Variants in IL23R observed in about 807,000 individuals in gnomAD.
IL23R encodes interleukin-23 receptor.
A neutral mutation model predicts 56.9 loss-of-function variants in IL23R; 34 were observed. The observed-to-expected ratio is 0.60, with a 90% CI of 0.45 to 0.80. The LOEUF (loss-of-function observed/expected upper bound fraction) is 0.80. Among genes scored for constraint, IL23R ranks in the 30% least tolerant of loss-of-function variants. The pLI is 0.00. For synonymous variants in IL23R, 230 were observed against 249.2 expected, an observed-to-expected ratio of 0.92 and a Z score of 0.73; for missense variants, 635 against 730.0, an observed-to-expected ratio of 0.87 and a Z score of 1.50.
intron 1 of IL23R, among the ~76,000 whole-genome samples, chr1:67,167,263 G>A (rs1342857025): frequency 6.6e-6 from 1 of 152,116 alleles, no homozygotes; most frequent in African/African-American, 2.4e-5. Context: ...TAGGGACAGG[G>A]TTTCACCCTG....
intron 1 of IL23R, among the ~76,000 whole-genome samples, chr1:67,150,994 G>T (rs141213218): frequency 1.6e-3 from 245 of 152,238 alleles, no homozygotes; most frequent in African/African-American, 5.8e-3. Context: ...TGGGTCAAAT[G>T]GTATTTCTGG....
Position 67,228,104 on chromosome 1 carries a change from TTCTCTC to T in IL23R, c.955+8378_955+8383del, listed in dbSNP as rs751365071. Among the ~76,000 whole-genome samples the T allele has an allele frequency of 9.7e-4, 45 of 46,238 alleles. 4 individuals carry two copies. Among genetic ancestry groups the T allele is most frequent in the Admixed American group, 1.9e-3 (7 of 3,666 alleles). 30.3% of individuals were successfully genotyped at this position (46,238 alleles called of 152,430 possible). ...TTCTTTTCTTTCTTTCTTTCTTTCT[TTCTCTC>T]TCTTTCTTTCTTTCTTTCCTTCTTT... On this transcript the variant is annotated intron_variant, in intron 7 of 10. Transcript: ENST00000347310.
At chr1:67,162,782 G>A (rs1364480675), upstream of IL23R, among the ~76,000 whole-genome samples, 1 of 152,218 alleles carries the variant, frequency 6.6e-6, no homozygotes, top group Non-Finnish European at 1.5e-5. Context: ...CCAAGGCAAT[G>A]CACTACATGA....
intron 1 of IL23R, among the ~76,000 whole-genome samples, chr1:67,149,935 T>C (rs1646713560): frequency 6.6e-6 from 1 of 152,214 alleles, no homozygotes; most frequent in African/African-American, 2.4e-5. Context: ...CTGGTAACCC[T>C]CTTAAGGAGA....
intron 7 of IL23R, 125 bp downstream of exon 7, chr1:67,219,855 T>A: frequency 1.1e-6 from 1 of 919,674 alleles, no homozygotes; most frequent in Non-Finnish European, 1.8e-6. Flanking sequence ...TGCTTGAGCC[T>A]AGGAGTTTGA....
chr1:67,214,186 AAAAG>A (rs1649679958), intron 6 of IL23R, among the ~76,000 whole-genome samples: 1 of 152,212 alleles, frequency 6.6e-6, no homozygotes, highest in African/African-American at 2.4e-5. Flanking sequence ...CATCTCTATA[AAAAG>A]AAAGAAAATA....
At chr1:67,149,092 CCACT>C (rs1330526270) in intron 1 of IL23R, among the ~76,000 whole-genome samples, 1 of 152,134 alleles carries the variant, frequency 6.6e-6, no homozygotes, top group Non-Finnish European at 1.5e-5. Context: ...CCACCCCAGC[CCACT>C]CACTCCCAAT....
upstream of IL23R, among the ~76,000 whole-genome samples, chr1:67,164,709 C>G (rs966073660): frequency 6.6e-6 from 1 of 151,642 alleles, no homozygotes. Flanking sequence ...TTTCCATAGC[C>G]TCCTAACTGG....
upstream of IL23R, among the ~76,000 whole-genome samples, chr1:67,162,443 C>T (rs1041491776): frequency 6.6e-6 from 1 of 151,908 alleles, no homozygotes; most frequent in Non-Finnish European, 1.5e-5. Flanking sequence ...GCCGAGATCG[C>T]GCCACTGCAC....
chr1:67,221,269 C>T (rs1056377221), intron 7 of IL23R, among the ~76,000 whole-genome samples: 33 of 152,080 alleles, frequency 2.2e-4, no homozygotes, highest in Admixed American at 1.8e-3. Context: ...TGGAGTGAGC[C>T]GAGATCGCGC....
At chr1:67,200,659 A>G in intron 4 of IL23R, 78 bp from the exon 5 acceptor site, 1 of 1,441,058 alleles carries the variant, frequency 6.9e-7, no homozygotes. Flanking sequence ...TGCTAGGATT[A>G]CAGGTGTGAG....
intron 3 of IL23R, among the ~76,000 whole-genome samples, chr1:67,173,300 T>A (rs1646967113): frequency 6.6e-6 from 1 of 152,216 alleles, no homozygotes; most frequent in Admixed American, 6.6e-5. Context: ...TATAGTCATC[T>A]TTTTGATCTT....
At chr1:67,226,138 C>G (rs750473066) in intron 7 of IL23R, among the ~76,000 whole-genome samples, 5 of 152,166 alleles carry the variant, frequency 3.3e-5, no homozygotes, top group Admixed American at 1.3e-4. Context: ...GGGGTGAGCA[C>G]CTTGGGGCTC....
At chr1:67,228,689 G>A (rs563530637) in intron 7 of IL23R, among the ~76,000 whole-genome samples, 23 of 152,208 alleles carry the variant, frequency 1.5e-4, no homozygotes, top group Middle Eastern at 3.4e-3. Flanking sequence ...CCTTCTGGAG[G>A]CTACAGGACA....
intron 1 of IL23R, among the ~76,000 whole-genome samples, chr1:67,149,580 T>A (rs188765423): frequency 5.2e-4 from 79 of 152,298 alleles, no homozygotes; most frequent in Non-Finnish European, 4.3e-4. Flanking sequence ...AGACACTCAA[T>A]AAATACTTGT....
chr1:67,215,534 G>T (rs535679381), intron 6 of IL23R, among the ~76,000 whole-genome samples: 1 of 152,328 alleles, frequency 6.6e-6, no homozygotes, highest in Admixed American at 6.5e-5. Flanking sequence ...ACCAATGTCT[G>T]TTGGCTCAAA....
chr1:67,249,281 A>T (rs910355860), intron 9 of IL23R, among the ~76,000 whole-genome samples: 9 of 152,232 alleles, frequency 5.9e-5, no homozygotes, highest in Admixed American at 3.9e-4. Flanking sequence ...TCTAAATGAT[A>T]CGAATTTAAA....
chr1:67,151,653 T>G (rs1009124058), intron 1 of IL23R, among the ~76,000 whole-genome samples: 3 of 152,194 alleles, frequency 2.0e-5, no homozygotes, highest in Non-Finnish European at 4.4e-5. Flanking sequence ...GGGTCCAGTT[T>G]CAATTTTCTG....
chr1:67,180,970 A>G (rs1647132372), intron 3 of IL23R, among the ~76,000 whole-genome samples: 1 of 152,146 alleles, frequency 6.6e-6, no homozygotes, highest in African/African-American at 2.4e-5. Context: ...TGGCTTTTAG[A>G]GTTTCTGCTG....
Sources: allele counts gnomAD v4.1 joint callset (sites outside exome capture counted in the v4.1 genomes callset), GRCh38; gene constraint gnomAD v4.1.1; transcripts MANE v1.5; gene names NCBI Gene and HGNC (gene_info 2026-07-23, HGNC 2026-07-21).